GRIA1: variants seen among roughly 807,000 people sequenced by gnomAD.
The protein encoded by GRIA1 is glutamate receptor 1.
Under a neutral mutation model 99.2 loss-of-function variants are expected in GRIA1, and 31 were observed. The observed-to-expected ratio is 0.31, with a 90% CI of 0.23 to 0.42. The LOEUF is 0.42. Among genes scored for constraint, GRIA1 ranks in the 10% least tolerant of loss-of-function variants. The probability of loss-of-function intolerance (pLI) is 1.00; values close to 1 mark genes in which losing one functional copy is unlikely to be tolerated. For synonymous variants in GRIA1, 438 were observed against 432.4 expected, an observed-to-expected ratio of 1.01 and a Z score of -0.16; for missense variants, 782 against 1,157.5, an observed-to-expected ratio of 0.68 and a Z score of 4.71.
chr5:153,743,172 A>T (rs1761928366), intron 11 of GRIA1, among the ~76,000 whole-genome samples: 1 of 152,238 alleles, frequency 6.6e-6, no homozygotes, highest in South Asian at 2.1e-4. Flanking sequence ...ATAGATTAGG[A>T]ATTTATTGCA....
chr5:153,758,942 T>G (rs904837722), intron 11 of GRIA1, among the ~76,000 whole-genome samples: 8 of 152,002 alleles, frequency 5.3e-5, no homozygotes, highest in African/African-American at 1.9e-4. Flanking sequence ...AAGAGGAACT[T>G]TGGAAACCAT....
At chr5:153,673,994 T>C (rs530054838) in intron 5 of GRIA1, among the ~76,000 whole-genome samples, 5 of 152,336 alleles carry the variant, frequency 3.3e-5, no homozygotes, top group East Asian at 1.9e-4. Flanking sequence ...GGGTAACTCA[T>C]AGGAGCTTGC....
intron 2 of GRIA1, among the ~76,000 whole-genome samples, chr5:153,548,471 T>C (rs148658824): frequency 0.022 from 3,368 of 152,282 alleles, 86 homozygotes; most frequent in Admixed American, 0.055. Context: ...GTCCCTGTTG[T>C]CAGAGGTACA....
rs1043090437 is a variant in GRIA1, at chr5:153,812,418, T to A, written c.*1193T>A. The A allele has an allele frequency of 2.0e-5, 3 of 152,252 alleles. No individual in the cohort carries two copies. In the East Asian group the frequency reaches 5.8e-4, roughly 29 times the overall value. 9.4% of individuals were successfully genotyped at this position (152,252 alleles called of 1,614,324 possible). A position where few individuals can be genotyped will look rare whatever the true frequency, so the allele number is the denominator to read the frequency against. The stretch of plus-strand genomic sequence containing the variant: ...AAAACACGTATGAAGTTTATGCTGA[T>A]GCAAAGAACTTGGGTTTTTATGTTA... On this transcript the variant is annotated 3_prime_UTR_variant, in exon 16 of 16. Transcript: ENST00000285900.
At chr5:153,744,397 G>A (rs1033288000) in intron 11 of GRIA1, among the ~76,000 whole-genome samples, 4 of 152,204 alleles carry the variant, frequency 2.6e-5, no homozygotes, top group Admixed American at 6.5e-5. Context: ...GACCCTGTAA[G>A]AATTATGGAT....
At chr5:153,724,843 A>G (rs1259963907) in intron 11 of GRIA1, among the ~76,000 whole-genome samples, 4 of 152,234 alleles carry the variant, frequency 2.6e-5, no homozygotes, top group African/African-American at 9.6e-5. Context: ...ATCCAGGAGA[A>G]CTTCCCCAAT....
At position 153,647,019 on chromosome 5, in the gene GRIA1, C is replaced by T; in HGVS notation, c.312C>T (p.Leu104=). The T allele has an allele frequency of 6.2e-7, 1 of 1,613,974 alleles. No individual in the cohort carries two copies. The highest frequency in any genetic ancestry group is 2.2e-5 in the East Asian group (1 of 44,872). Residue 104 remains leucine (L), a synonymous_variant, in exon 3 of 16, where the codon CTC becomes CTT. Transcript: ENST00000285900. ...TGCTGACCTCCTTTTGTGGGGCCCT[C>T]CACGTCTGCTTCATTACGCCGAGCT... is the stretch of plus-strand genomic sequence containing the variant. ...VNMLTSFCGA[L]HVCFITPSFP...
At chr5:153,761,051 T>C (rs997730252) in intron 11 of GRIA1, among the ~76,000 whole-genome samples, 6 of 152,124 alleles carry the variant, frequency 3.9e-5, no homozygotes, top group African/African-American at 1.4e-4. Flanking sequence ...GACACAAATA[T>C]AAGATTCAAA....
rs540717580 is a variant in GRIA1 at position 153,510,797 on chromosome 5, G to T, written c.220+16732G>T. 7.2e-5 allele frequency among the ~76,000 whole-genome samples: 11 copies of T among 152,324 alleles called. No individual in the cohort carries two copies. In the South Asian group the frequency reaches 2.3e-3, roughly 32 times the overall value. ...AACATAAAGTTACCTGACATCAAAT[G>T]ATGCAGAATATCCACATTTCTACAC... On this transcript the variant is annotated intron_variant, in intron 2 of 15. Coordinates refer to ENST00000285900, the MANE Select transcript of GRIA1 (RefSeq NM_000827.4).
At chr5:153,659,717 A>C (rs1482283316) in intron 5 of GRIA1, among the ~76,000 whole-genome samples, 1 of 152,190 alleles carries the variant, frequency 6.6e-6, no homozygotes, top group African/African-American at 2.4e-5. Context: ...TAAACCATGG[A>C]GTAAATGGTC....
At chr5:153,655,492 G>A (rs538124147) in intron 4 of GRIA1, among the ~76,000 whole-genome samples, 11 of 152,282 alleles carry the variant, frequency 7.2e-5, no homozygotes, top group East Asian at 5.8e-4. Flanking sequence ...AACGCAGTGA[G>A]CATTTCAGAT....
chr5:153,675,053 G>T (rs1370013970), intron 6 of GRIA1, among the ~76,000 whole-genome samples: 3 of 150,988 alleles, frequency 2.0e-5, no homozygotes, highest in Non-Finnish European at 4.4e-5. Context: ...CCAGTAGGAA[G>T]AAAAAAAAAC....
rs143275212 is a variant in GRIA1 at position 153,670,971 on chromosome 5, G to A, written c.700-3529G>A. 8.5e-5 allele frequency among the ~76,000 whole-genome samples: 13 copies of A among 152,310 alleles called. No homozygotes were observed. In the East Asian group the frequency reaches 2.1e-3, roughly 25 times the overall value. On this transcript the variant is annotated intron_variant, in intron 5 of 15. Coordinates refer to ENST00000285900, the MANE Select transcript of GRIA1 (RefSeq NM_000827.4). ...TGAAATCTGAAATAGGAGGGAAGAT[G>A]TCAGCTATTAGATGAGAATATAGTT...
At position 153,801,179 on chromosome 5, in the gene GRIA1, T is replaced by A. The variant is rs1414654482; in HGVS notation, c.2386-1177T>A. Among the ~76,000 whole-genome samples the A allele has an allele frequency of 2.6e-5, 4 of 152,304 alleles. No homozygotes were observed. In the Middle Eastern group the frequency reaches 0.01, roughly 389 times the overall value. On this transcript the variant is annotated intron_variant, in intron 14 of 15. Coordinates refer to ENST00000285900, the MANE Select transcript of GRIA1 (RefSeq NM_000827.4). ...CATTACCTCTCACCATGACCATCAG[T>A]TGTGTTTGATTGTTCTCACCACTTG...
chr5:153,690,241 A>G (rs933773038), intron 8 of GRIA1, among the ~76,000 whole-genome samples: 4 of 151,628 alleles, frequency 2.6e-5, no homozygotes, highest in African/African-American at 7.3e-5. Flanking sequence ...AGAAGATGGA[A>G]GTAAAAGGAA....
chr5:153,777,798 C>G (rs922497201), intron 13 of GRIA1, among the ~76,000 whole-genome samples: 2 of 152,032 alleles, frequency 1.3e-5, no homozygotes, highest in African/African-American at 4.8e-5. Flanking sequence ...TCTTTTTCTC[C>G]CTCCCTCCCA....
chr5:153,536,376 TC>T (rs1758574152), intron 2 of GRIA1, among the ~76,000 whole-genome samples: 2 of 152,092 alleles, frequency 1.3e-5, no homozygotes, highest in Admixed American at 1.3e-4. Context: ...GAATTAGCCT[TC>T]CCCCATTATA....
intron 2 of GRIA1, among the ~76,000 whole-genome samples, chr5:153,612,654 G>A (rs1766096265): frequency 6.6e-6 from 1 of 152,216 alleles, no homozygotes; most frequent in South Asian, 2.1e-4. Flanking sequence ...AGAATATGAT[G>A]TATTGTTAGT....
At chr5:153,531,513 G>A (rs1758096980) in intron 2 of GRIA1, among the ~76,000 whole-genome samples, 1 of 152,164 alleles carries the variant, frequency 6.6e-6, no homozygotes, top group Non-Finnish European at 1.5e-5. Flanking sequence ...TCTCAGGATA[G>A]CCTGATGACT....
Sources: allele counts gnomAD v4.1 joint callset (sites outside exome capture counted in the v4.1 genomes callset), GRCh38; gene constraint gnomAD v4.1.1; transcripts MANE v1.5; gene names NCBI Gene and HGNC (gene_info 2026-07-23, HGNC 2026-07-21).